NCBP3: variants seen among roughly 807,000 people sequenced by gnomAD.
The protein encoded by NCBP3 is nuclear cap binding subunit 3, also known as nuclear cap-binding protein subunit 3.
A neutral mutation model predicts 75.7 loss-of-function variants in NCBP3; 20 were observed. That is an observed-to-expected ratio of 0.26 (90% CI 0.19 to 0.38). The LOEUF (loss-of-function observed/expected upper bound fraction) is 0.38. Ranked by LOEUF, NCBP3 falls within the 10% of genes least tolerant of loss-of-function variation. The pLI is 1.00. For synonymous variants in NCBP3, 293 were observed against 290.5 expected, an observed-to-expected ratio of 1.01 and a Z score of -0.09; for missense variants, 678 against 796.9, an observed-to-expected ratio of 0.85 and a Z score of 1.80.
rs193168461 is a variant in NCBP3 at position 3,805,515 on chromosome 17, A to G, written c.*7529T>C. 1.0e-4 allele frequency: 16 copies of G among 152,398 alleles called. No homozygotes were observed. The highest frequency in any genetic ancestry group is 3.6e-4 in the African/African-American group (15 of 41,564). 9.4% of individuals were successfully genotyped at this position (152,398 alleles called of 1,614,324 possible). A position where few individuals can be genotyped will look rare whatever the true frequency, so the allele number is the denominator to read the frequency against. On this transcript the variant is annotated 3_prime_UTR_variant, in exon 13 of 13. Transcript: ENST00000389005. Reference sequence around the variant, plus strand: ...CAGGCACCAAGAAAAGCCTACGTGAATAAGACAGCAAGAGGGTGCTCACCA... The same window carrying G: ...CAGGCACCAAGAAAAGCCTACGTGAGTAAGACAGCAAGAGGGTGCTCACCA...
At chr17:3,826,032 G>A in intron 5 of NCBP3, 55 bp downstream of exon 5, 1 of 1,526,984 alleles carries the variant, frequency 6.5e-7, no homozygotes, top group Non-Finnish European at 8.8e-7. Flanking sequence ...CTCAGAAACA[G>A]GACTGTGTAA....
chr17:3,826,179 C>T lies in NCBP3; in HGVS notation c.518G>A (p.Arg173Gln). The change falls in exon 5 of 13, where the codon CGA becomes CAA. Residue 173 changes from arginine to glutamine, a missense_variant. Physicochemically the swap from Arg to Gln is conservative, Grantham distance 43 (BLOSUM62 1). Coordinates refer to ENST00000389005, the MANE Select transcript of NCBP3 (RefSeq NM_001114118.3). ...VVWLDEMTAT[R>Q]ALINMSSLPA... ...CAGGGAGCTCATATTGATAAGTGCT[C>T]GTGTGGCTGTCATTTCATCCAGCCA... 3 of 1,550,880 alleles carry T rather than the reference C, an allele frequency of 1.9e-6. No homozygotes were observed. Among genetic ancestry groups the T allele is most frequent in the South Asian group, 1.2e-5 (1 of 84,012 alleles).
chr17:3,805,746 A>C lies in NCBP3; in HGVS notation c.*7298T>G, dbSNP rs1324006050. ...TCCTGCTATCTAGCCCACACCCCTGATGCTCCCCGGAAAGGAGAGCAAGGA... is the reference window on the plus strand; with the variant it reads ...TCCTGCTATCTAGCCCACACCCCTGCTGCTCCCCGGAAAGGAGAGCAAGGA... On this transcript the variant is annotated 3_prime_UTR_variant, in exon 13 of 13. Transcript: ENST00000389005. 1 of 152,264 alleles carries C rather than the reference A, an allele frequency of 6.6e-6. No homozygotes were observed. Among genetic ancestry groups the C allele is most frequent in the Non-Finnish European group, 1.5e-5 (1 of 68,100 alleles). The allele number at this position is 152,264 out of a possible 1,614,324, so 9.4% of individuals were successfully genotyped here.
In NCBP3 at chr17:3,806,790, G is replaced by A. The variant is rs980109567; in HGVS notation, c.*6254C>T. Reference sequence around the variant, plus strand: ...ATTTTATAAACATGTAAGAAAAGTTGTAGATATTTATTGTGGGTCTGGTTA... The same window carrying A: ...ATTTTATAAACATGTAAGAAAAGTTATAGATATTTATTGTGGGTCTGGTTA... On this transcript the variant is annotated 3_prime_UTR_variant, in exon 13 of 13. Coordinates refer to ENST00000389005, the MANE Select transcript of NCBP3 (RefSeq NM_001114118.3). 2.7e-5 allele frequency: 4 copies of A among 149,824 alleles called. No homozygotes were observed. The highest frequency in any genetic ancestry group is 5.9e-5 in the Non-Finnish European group (4 of 67,624). 9.3% of individuals were successfully genotyped at this position (149,824 alleles called of 1,614,324 possible).
At chr17:3,833,647 T>TA (rs1555533551) in intron 3 of NCBP3, among the ~76,000 whole-genome samples, 418 of 145,340 alleles carry the variant, frequency 2.9e-3, no homozygotes, top group African/African-American at 8.2e-3. Context: ...TCTATTTTTT[T>TA]TAAAAAAAAA....
chr17:3,820,672 C>T (rs574956002), intron 9 of NCBP3, among the ~76,000 whole-genome samples: 1 of 152,318 alleles, frequency 6.6e-6, no homozygotes, highest in Admixed American at 6.5e-5. Context: ...GTAGCTCACA[C>T]CTGTAATCCC....
chr17:3,840,012 C>G, intron 3 of NCBP3, 88 bp downstream of exon 3: 1 of 1,029,590 alleles, frequency 9.7e-7, no homozygotes, highest in Non-Finnish European at 1.5e-6. Context: ...AGTGGACACG[C>G]AAGGCAAGGC....
intron 2 of NCBP3, among the ~76,000 whole-genome samples, chr17:3,840,583 G>A (rs964006309): frequency 6.6e-6 from 1 of 152,104 alleles, no homozygotes; most frequent in Non-Finnish European, 1.5e-5. Flanking sequence ...AATTTTCCAG[G>A]TGCAGAAATG....
chr17:3,838,975 T>G (rs943753474), intron 3 of NCBP3, among the ~76,000 whole-genome samples: 6 of 152,190 alleles, frequency 3.9e-5, no homozygotes, highest in Non-Finnish European at 8.8e-5. Flanking sequence ...GCCTTTAACA[T>G]GCATTCAGAA....
intron 12 of NCBP3, among the ~76,000 whole-genome samples, chr17:3,814,019 C>T (rs144644826): frequency 6.6e-6 from 1 of 152,234 alleles, no homozygotes; most frequent in East Asian, 1.9e-4. Context: ...CGATAAAATG[C>T]TGTATGAAAA....
intron 3 of NCBP3, among the ~76,000 whole-genome samples, chr17:3,837,586 T>C (rs1274994818): frequency 6.6e-6 from 1 of 150,442 alleles, no homozygotes; most frequent in Non-Finnish European, 1.5e-5. Flanking sequence ...TACAAAAAAT[T>C]AGCTGGGTGT....
chr17:3,816,007 A>G (rs2053523717), intron 11 of NCBP3, 109 bp downstream of exon 11: 1 of 1,018,996 alleles, frequency 9.8e-7, no homozygotes, highest in Admixed American at 3.1e-5. Flanking sequence ...ATGAACCAGG[A>G]CAGCTAAATC....
chr17:3,826,393 C>A (rs1304992653), intron 4 of NCBP3, among the ~76,000 whole-genome samples, 178 bp from the exon 5 acceptor site: 1 of 152,070 alleles, frequency 6.6e-6, no homozygotes, highest in Non-Finnish European at 1.5e-5. Flanking sequence ...ACACCTATAA[C>A]CCCAGTACTT....
chr17:3,826,426 C>G (rs1028538104), intron 4 of NCBP3, among the ~76,000 whole-genome samples: 1 of 152,014 alleles, frequency 6.6e-6, no homozygotes, highest in African/African-American at 2.4e-5. Flanking sequence ...GCAGGAGACT[C>G]GCTTGGAGTG....
rs563064372 is a variant in NCBP3, at chr17:3,809,677, G to A, written c.*3367C>T. Reference sequence around the variant, plus strand: ...GCCGAGATCGTGCCATTGCACTCCAGCCTGCACAACAAGAGCGAAACTGTG... The same window carrying A: ...GCCGAGATCGTGCCATTGCACTCCAACCTGCACAACAAGAGCGAAACTGTG... On this transcript the variant is annotated 3_prime_UTR_variant, in exon 13 of 13. Coordinates refer to ENST00000389005, the MANE Select transcript of NCBP3 (RefSeq NM_001114118.3). 6.6e-6 allele frequency: 1 copy of A among 152,292 alleles called. No homozygotes were observed. Among genetic ancestry groups the A allele is most frequent in the African/African-American group, 2.4e-5 (1 of 41,548 alleles). The allele number at this position is 152,292 out of a possible 1,614,324, so 9.4% of individuals were successfully genotyped here.
intron 2 of NCBP3, among the ~76,000 whole-genome samples, 175 bp downstream of exon 2, chr17:3,842,911 T>C (rs1482358224): frequency 1.3e-5 from 2 of 152,084 alleles, no homozygotes; most frequent in African/African-American, 4.8e-5. Context: ...CTCAAAATGC[T>C]AGGATTACAG....
In NCBP3 at chr17:3,818,324, T is replaced by C. The variant is rs954129329; in HGVS notation, c.1249A>G (p.Lys417Glu). 2 of 1,614,014 alleles carry C rather than the reference T, an allele frequency of 1.2e-6. No individual in the cohort carries two copies. The highest frequency in any genetic ancestry group is 8.5e-7 in the Non-Finnish European group (1 of 1,179,974). The change falls in exon 10 of 13, where the codon AAG (lysine) becomes GAG (glutamate). Residue 417 changes from lysine to glutamate, a missense_variant. By Grantham distance (56) the Lys-to-Glu change is moderately conservative. Transcript: ENST00000389005. The surrounding 1 kb of genome is among the most constrained non-coding windows in gnomAD (Gnocchi z 4.7). ...TACATAGTCATTTTCATGCTTTTCT[T>C]TGGTGAAGGCGTGGAAATCATTTTC... ...ELKMISTPSP[K>E]KSMKMTMYAD... is the part of the protein sequence containing the mutation.
At chr17:3,836,355 A>G (rs1019163343) in intron 3 of NCBP3, among the ~76,000 whole-genome samples, 4 of 152,184 alleles carry the variant, frequency 2.6e-5, no homozygotes, top group Admixed American at 2.0e-4. Context: ...CAGCAGCCCT[A>G]TAAGAATTCC....
chr17:3,840,316 C>A (rs2054042064), intron 2 of NCBP3, 111 bp from the exon 3 acceptor site: 1 of 788,480 alleles, frequency 1.3e-6, no homozygotes, highest in Non-Finnish European at 2.1e-6. Context: ...AAGAAATAAG[C>A]AACACTACAC....
Sources: allele counts gnomAD v4.1 joint callset (sites outside exome capture counted in the v4.1 genomes callset), GRCh38; gene constraint gnomAD v4.1.1; non-coding constraint Gnocchi (gnomAD v3.1); transcripts MANE v1.5; gene names NCBI Gene and HGNC (gene_info 2026-07-23, HGNC 2026-07-21).